EML4: variants seen among roughly 807,000 people sequenced by gnomAD.
EML4 encodes the protein EMAP like 4.
EML4 carries 72 observed loss-of-function variants against 129.0 expected under a neutral mutation model. The ratio of observed to expected loss-of-function variants is 0.56; its 90% CI spans 0.46 to 0.68. The LOEUF is 0.68. Ranked by LOEUF, EML4 falls within the 30% of genes least tolerant of loss-of-function variation. EML4 has a pLI of 0.00. For synonymous variants in EML4, 532 were observed against 405.0 expected, an observed-to-expected ratio of 1.31 and a Z score of -3.77; for missense variants, 1,363 against 1,190.6, an observed-to-expected ratio of 1.14 and a Z score of -2.13.
chr2:42,180,115 T>C (rs570734241), intron 1 of EML4, among the ~76,000 whole-genome samples: 3 of 152,304 alleles, frequency 2.0e-5, no homozygotes, highest in African/African-American at 7.2e-5. Context: ...TTTAAAAAAA[T>C]TGTATGAACT....
At chr2:42,178,369 C>T (rs1670733353) in intron 1 of EML4, among the ~76,000 whole-genome samples, 1 of 151,512 alleles carries the variant, frequency 6.6e-6, no homozygotes, top group African/African-American at 2.4e-5. Context: ...ATAGTGAGAC[C>T]CTGTCTCTAC....
chr2:42,191,765 A>T (rs190354607), intron 1 of EML4, among the ~76,000 whole-genome samples: 4 of 152,338 alleles, frequency 2.6e-5, no homozygotes, highest in Admixed American at 2.6e-4. Context: ...TGAATTTTAA[A>T]AATCCCTAGT....
chr2:42,323,487 T>C lies in EML4; in HGVS notation c.2155-1980T>C, dbSNP rs1006109330. ...TAATTTAAATTGGTTTAAATATGTT[T>C]ATTTCCCATACAGCACTATGGTGGA... is the stretch of plus-strand genomic sequence containing the variant. On this transcript the variant is annotated intron_variant, in intron 19 of 22. Transcript: ENST00000318522. Among the ~76,000 whole-genome samples the C allele has an allele frequency of 7.9e-5, 12 of 152,320 alleles. No individual in the cohort carries two copies. The South Asian group carries it at 8.3e-4, about 11-fold the overall frequency.
chr2:42,286,451 G>A, intron 10 of EML4, 72 bp downstream of exon 10: 1 of 910,132 alleles, frequency 1.1e-6, no homozygotes. Flanking sequence ...TCAGTTTTGT[G>A]TTTATGTGGC....
chr2:42,235,850 A>G (rs1674641712), intron 1 of EML4, among the ~76,000 whole-genome samples: 1 of 152,118 alleles, frequency 6.6e-6, no homozygotes, highest in South Asian at 2.1e-4. Context: ...ATACAACTTC[A>G]TTTTTGTTTT....
At chr2:42,270,080 A>G (rs1165397030) in intron 6 of EML4, among the ~76,000 whole-genome samples, 6 of 152,084 alleles carry the variant, frequency 3.9e-5, no homozygotes, top group Non-Finnish European at 5.9e-5. Context: ...GTCTGATAAA[A>G]TTTTTCCTGT....
At chr2:42,216,637 C>G (rs1251811506) in intron 1 of EML4, among the ~76,000 whole-genome samples, 3 of 151,580 alleles carry the variant, frequency 2.0e-5, no homozygotes, top group Non-Finnish European at 4.4e-5. Flanking sequence ...CATTTCATAT[C>G]TCTACAGTTG....
chr2:42,183,789 C>A (rs981865296), intron 1 of EML4, among the ~76,000 whole-genome samples: 4 of 151,488 alleles, frequency 2.6e-5, no homozygotes, highest in African/African-American at 9.7e-5. Flanking sequence ...TCAATAAAAT[C>A]TTTTTTTTCA....
intron 11 of EML4, among the ~76,000 whole-genome samples, chr2:42,290,534 C>T (rs1667578502): frequency 6.7e-6 from 1 of 149,786 alleles, no homozygotes; most frequent in African/African-American, 2.5e-5. Flanking sequence ...CGAGACCAGC[C>T]TGGGCAAACA....
intron 2 of EML4, among the ~76,000 whole-genome samples, chr2:42,246,762 G>A (rs1675427082): frequency 6.6e-6 from 1 of 152,182 alleles, no homozygotes; most frequent in African/African-American, 2.4e-5. Flanking sequence ...TAGTTCCACT[G>A]GGAGCTCCAA....
At chr2:42,317,391 T>G (rs763888013) in intron 18 of EML4, 36 bp from the exon 19 acceptor site, 10 of 1,264,084 alleles carry the variant, frequency 7.9e-6, no homozygotes, top group Admixed American at 4.1e-5. Flanking sequence ...TTTATCAGTA[T>G]ATTTCTCTAG....
intron 1 of EML4, among the ~76,000 whole-genome samples, chr2:42,188,331 C>A (rs897110831): frequency 6.6e-6 from 1 of 152,130 alleles, no homozygotes; most frequent in African/African-American, 2.4e-5. Flanking sequence ...AGGTGATCCT[C>A]CCACTCACCT....
chr2:42,261,776 A>T (rs1443204072), intron 4 of EML4, among the ~76,000 whole-genome samples: 1 of 152,054 alleles, frequency 6.6e-6, no homozygotes, highest in African/African-American at 2.4e-5. Context: ...TCTTGGGAGG[A>T]TAAGTTCTTG....
At chr2:42,280,698 C>G (rs1666955147) in intron 6 of EML4, 152 bp from the exon 7 acceptor site, 4 of 594,856 alleles carry the variant, frequency 6.7e-6, no homozygotes, top group Non-Finnish European at 1.1e-5. Context: ...GGATACAGGA[C>G]AACTATATAA....
intron 1 of EML4, among the ~76,000 whole-genome samples, chr2:42,175,862 A>T (rs992255998): frequency 6.6e-6 from 1 of 152,188 alleles, no homozygotes. Flanking sequence ...AATTATCTTT[A>T]GCCCATTTGT....
intron 6 of EML4, among the ~76,000 whole-genome samples, chr2:42,270,797 C>G (rs951574617): frequency 7.9e-5 from 12 of 152,290 alleles, no homozygotes; most frequent in African/African-American, 2.2e-4. Context: ...TTGGCAATTC[C>G]CGAATTTAGG....
At chr2:42,195,841 A>G (rs2103929705) in intron 1 of EML4, among the ~76,000 whole-genome samples, 1 of 152,314 alleles carries the variant, frequency 6.6e-6, no homozygotes, top group Admixed American at 6.5e-5. Context: ...TTTTTCTCCA[A>G]TCTTTATTGT....
intron 1 of EML4, among the ~76,000 whole-genome samples, chr2:42,179,850 C>T (rs1466175954): frequency 6.6e-6 from 1 of 152,218 alleles, no homozygotes; most frequent in Non-Finnish European, 1.5e-5. Context: ...GATCCACCCA[C>T]CTAGCCTCCC....
chr2:42,283,063 G>A, intron 8 of EML4, 91 bp downstream of exon 8: 3 of 1,201,684 alleles, frequency 2.5e-6, no homozygotes, highest in Non-Finnish European at 3.5e-6. Flanking sequence ...GTGATTTCTT[G>A]TGGAAAGCTC....
Sources: allele counts gnomAD v4.1 joint callset (sites outside exome capture counted in the v4.1 genomes callset), GRCh38; gene constraint gnomAD v4.1.1; transcripts MANE v1.5; gene names NCBI Gene and HGNC (gene_info 2026-07-23, HGNC 2026-07-21).